The following ASIP variants were observed in gnomAD, a reference collection of about 807,000 sequenced individuals.
ASIP encodes the protein agouti-signaling protein.
In ASIP, 11 loss-of-function variants were observed where a neutral mutation model predicts 10.3. The observed-to-expected ratio is 1.07, with a 90% CI of 0.68 to 1.78. ASIP has a LOEUF of 1.78. Ranked by LOEUF, ASIP falls within the 40% of genes most tolerant of loss-of-function variation. The pLI is 0.00. For synonymous variants in ASIP, 70 were observed against 70.8 expected, an observed-to-expected ratio of 0.99 and a Z score of 0.06; for missense variants, 180 against 169.2, an observed-to-expected ratio of 1.06 and a Z score of -0.35.
intron 1 of ASIP, chr20:34,214,819 A>T (rs1271606287): frequency 1.9e-6 from 3 of 1,590,176 alleles, no homozygotes; most frequent in Admixed American, 3.3e-5. Flanking sequence ...ATCATAACAA[A>T]ATCCAATATT....
At chr20:34,260,237 T>A in intron 1 of ASIP, 128 bp from the exon 2 acceptor site, 1 of 919,568 alleles carries the variant, frequency 1.1e-6, no homozygotes, top group Non-Finnish European at 1.6e-6. Flanking sequence ...TTGCTAATCC[T>A]CCAGCTCCAC....
intron 1 of ASIP, among the ~76,000 whole-genome samples, chr20:34,256,580 G>A (rs914359586): frequency 6.6e-6 from 1 of 152,158 alleles, no homozygotes; most frequent in Non-Finnish European, 1.5e-5. Context: ...TGGGATTATA[G>A]GCGTGAGCCA....
intron 1 of ASIP, among the ~76,000 whole-genome samples, chr20:34,212,759 G>A (rs1239593239): frequency 6.6e-6 from 1 of 152,026 alleles, no homozygotes; most frequent in African/African-American, 2.4e-5. Context: ...TTTCCCACCT[G>A]CCCTTGTTAA....
At chr20:34,261,991 T>A (rs1009137419) in intron 2 of ASIP, among the ~76,000 whole-genome samples, 1 of 151,814 alleles carries the variant, frequency 6.6e-6, no homozygotes, top group African/African-American at 2.4e-5. Context: ...TACATGCCTG[T>A]AATCCCAGCT....
chr20:34,198,087 T>C (rs1262327535), intron 1 of ASIP, among the ~76,000 whole-genome samples: 1 of 148,608 alleles, frequency 6.7e-6, no homozygotes, highest in Non-Finnish European at 1.5e-5. Context: ...AGACGGAGTC[T>C]CACTCTGCCA....
At chr20:34,266,531 G>A (rs1399743201) in intron 3 of ASIP, among the ~76,000 whole-genome samples, 2 of 151,798 alleles carry the variant, frequency 1.3e-5, no homozygotes, top group African/African-American at 4.8e-5. Context: ...AAATTAGCTG[G>A]GCGTGGTGGT....
chr20:34,243,775 A>AC (rs2035321768), intron 1 of ASIP, among the ~76,000 whole-genome samples: 1 of 151,742 alleles, frequency 6.6e-6, no homozygotes, highest in African/African-American at 2.4e-5. Context: ...AAAAAAAAAA[A>AC]ACTGTCTCGC....
intron 1 of ASIP, among the ~76,000 whole-genome samples, chr20:34,206,291 C>T (rs1016542906): frequency 1.3e-4 from 20 of 152,196 alleles, no homozygotes; most frequent in African/African-American, 3.4e-4. Context: ...CTACCACGCC[C>T]GGCCTCGAAT....
chr20:34,217,396 C>G lies in ASIP; in HGVS notation c.-11+22636C>G, dbSNP rs916282976. 8.6e-5 allele frequency among the ~76,000 whole-genome samples: 13 copies of G among 151,210 alleles called. No homozygotes were observed. In the South Asian group the frequency reaches 2.7e-3, roughly 32 times the overall value. On this transcript the variant is annotated intron_variant, in intron 1 of 3. Coordinates refer to the ASIP transcript ENST00000568305. ...CAGGTTGCAGTGAGCCGACATCTCG[C>G]CACTGCACTCCAGCCTGGGGGACAG...
At chr20:34,245,117 C>T (rs1159236882) in intron 1 of ASIP, among the ~76,000 whole-genome samples, 2 of 151,816 alleles carry the variant, frequency 1.3e-5, no homozygotes, top group Non-Finnish European at 2.9e-5. Flanking sequence ...GGGCAAATCA[C>T]GAGGTCAGGA....
At chr20:34,197,986 C>T (rs1487279628) in intron 1 of ASIP, among the ~76,000 whole-genome samples, 2 of 151,988 alleles carry the variant, frequency 1.3e-5, no homozygotes, top group Non-Finnish European at 2.9e-5. Flanking sequence ...GTATTTGCCA[C>T]AGCTGGGGAA....
chr20:34,244,312 A>C (rs144958278), intron 1 of ASIP, among the ~76,000 whole-genome samples: 42 of 152,294 alleles, frequency 2.8e-4, no homozygotes, highest in African/African-American at 9.6e-4. Context: ...TTCACTTGCT[A>C]TTTCCAGGAC....
intron 1 of ASIP, among the ~76,000 whole-genome samples, chr20:34,244,478 C>T (rs1160668319): frequency 6.6e-6 from 1 of 152,150 alleles, no homozygotes; most frequent in Non-Finnish European, 1.5e-5. Context: ...GAGGTGCCCG[C>T]CTTTGACATT....
At chr20:34,227,455 A>C (rs956535020) in intron 1 of ASIP, among the ~76,000 whole-genome samples, 11 of 152,116 alleles carry the variant, frequency 7.2e-5, no homozygotes, top group Non-Finnish European at 1.3e-4. Context: ...ACATGGTGAA[A>C]CCCCATCTCT....
chr20:34,222,654 C>CTCTCCCTCTCCCCACGG (rs2035056176), intron 1 of ASIP, among the ~76,000 whole-genome samples: 1 of 152,124 alleles, frequency 6.6e-6, no homozygotes, highest in Non-Finnish European at 1.5e-5. Flanking sequence ...CTCCGTCTCC[C>CTCTCCCTCTCCCCACGG]TCTCCCTCTC....
intron 1 of ASIP, among the ~76,000 whole-genome samples, chr20:34,198,338 C>T (rs2034871967): frequency 6.6e-6 from 1 of 152,110 alleles, no homozygotes. Context: ...GATCTGCCGA[C>T]ATCAGGCTCC....
chr20:34,186,859 G>A, the ASIP span, among the ~76,000 whole-genome samples: 2 of 152,178 alleles, frequency 1.3e-5, no homozygotes, highest in South Asian at 2.1e-4. Context: ...CTGTTGCCAG[G>A]CTGGAGTGCA....
chr20:34,209,628 TG>T (rs759818365), intron 1 of ASIP, among the ~76,000 whole-genome samples: 6 of 152,234 alleles, frequency 3.9e-5, no homozygotes, highest in Non-Finnish European at 8.8e-5. Context: ...GCCCAGGCAC[TG>T]TCACAACCCA....
chr20:34,187,004 G>A, the ASIP span, among the ~76,000 whole-genome samples: 1 of 152,054 alleles, frequency 6.6e-6, no homozygotes, highest in Non-Finnish European at 1.5e-5. Context: ...ACTAGAGACG[G>A]GGTTTCACCG....
Sources: allele counts gnomAD v4.1 joint callset (sites outside exome capture counted in the v4.1 genomes callset), GRCh38; gene constraint gnomAD v4.1.1; transcripts MANE v1.5; gene names NCBI Gene and HGNC (gene_info 2026-07-23, HGNC 2026-07-21).